Variants in TTLL7 observed in about 807,000 individuals in gnomAD.
TTLL7 encodes tubulin tyrosine ligase like 7.
In TTLL7, 53 loss-of-function variants were observed where a neutral mutation model predicts 120.2. The ratio of observed to expected loss-of-function variants is 0.44; its 90% CI spans 0.35 to 0.55. The LOEUF (loss-of-function observed/expected upper bound fraction) is 0.55, where lower values mean the gene tolerates loss of function less well. Among genes scored for constraint, TTLL7 ranks in the 20% least tolerant of loss-of-function variants. The pLI is 0.00. For synonymous variants in TTLL7, 353 were observed against 351.7 expected (o/e 1.00, Z -0.04); for missense variants, 803 against 1,054.7 (o/e 0.76, Z 3.31).
chr1:83,875,517 A>C (rs942493793), intron 20 of TTLL7, among the ~76,000 whole-genome samples: 2 of 151,918 alleles, frequency 1.3e-5, no homozygotes, highest in African/African-American at 4.8e-5. Flanking sequence ...TCTTATGCAC[A>C]TGTGCACACA....
chr1:83,946,196 C>T (rs1248165569), intron 6 of TTLL7: 1 of 152,342 alleles, frequency 6.6e-6, no homozygotes, highest in Non-Finnish European at 1.5e-5. Flanking sequence ...GGACTGCAGG[C>T]GCCCGCCACC....
chr1:83,938,796 CTA>C (rs1557687878), intron 7 of TTLL7, among the ~76,000 whole-genome samples: 7 of 152,180 alleles, frequency 4.6e-5, no homozygotes. Flanking sequence ...TCATAAAAAT[CTA>C]TCTTTAATTC....
At chr1:83,948,954 G>GA (rs995449676) in intron 4 of TTLL7, 5 of 286,004 alleles carry the variant, frequency 1.7e-5, no homozygotes, top group Non-Finnish European at 2.6e-5. Flanking sequence ...TTTCTAGGTT[G>GA]AATAGTGATA....
rs1431689112 is a variant in TTLL7 at position 83,892,477 on chromosome 1, T to TGA, written c.2209-1997_2209-1996insTC. Among the ~76,000 whole-genome samples the TGA allele has an allele frequency of 1.9e-4, 25 of 132,274 alleles. 1 individual carries two copies. Among genetic ancestry groups the TGA allele is most frequent in the Non-Finnish European group, 3.2e-4 (19 of 59,762 alleles). The allele number at this position is 132,274 out of a possible 152,430, so 86.8% of individuals were successfully genotyped here. On this transcript the variant is annotated intron_variant, in intron 18 of 20. Transcript: ENST00000260505. ...ACATATATGAACATATATATGAACA[T>TGA]ATGAATGAACATATATATGAACATA...
chr1:83,877,345 C>T (rs916036287), intron 20 of TTLL7, among the ~76,000 whole-genome samples: 6 of 151,778 alleles, frequency 4.0e-5, no homozygotes, highest in African/African-American at 1.2e-4. Context: ...TTTCCTTTGC[C>T]ATAATGTCTT....
chr1:83,926,555 T>A (rs528194933), intron 10 of TTLL7, among the ~76,000 whole-genome samples: 6 of 152,046 alleles, frequency 3.9e-5, no homozygotes, highest in Non-Finnish European at 8.8e-5. Context: ...GAGAAAATGA[T>A]GGGTAGGGAG....
At chr1:83,965,582 T>C (rs1650384647) in intron 1 of TTLL7, among the ~76,000 whole-genome samples, 1 of 152,156 alleles carries the variant, frequency 6.6e-6, no homozygotes, top group Non-Finnish European at 1.5e-5. Flanking sequence ...TATGCAACTT[T>C]AAATGCTCTC....
chr1:83,957,457 T>C (rs953931681), intron 1 of TTLL7, among the ~76,000 whole-genome samples: 2 of 152,172 alleles, frequency 1.3e-5, no homozygotes, highest in African/African-American at 4.8e-5. Context: ...TGTTTTGTTG[T>C]GACAAGAGGA....
chr1:83,875,797 T>C (rs912754486), intron 20 of TTLL7, among the ~76,000 whole-genome samples: 1 of 151,980 alleles, frequency 6.6e-6, no homozygotes, highest in African/African-American at 2.4e-5. Flanking sequence ...TGCTTTTTTC[T>C]TTGAAATTGG....
intron 1 of TTLL7, among the ~76,000 whole-genome samples, chr1:83,974,626 T>C (rs879122166): frequency 2.6e-5 from 4 of 152,058 alleles, no homozygotes; most frequent in African/African-American, 9.7e-5. Flanking sequence ...AATTATAATA[T>C]GGCAGACGCT....
intron 10 of TTLL7, among the ~76,000 whole-genome samples, chr1:83,922,844 TTAAGA>T (rs1658799047): frequency 6.6e-6 from 1 of 150,752 alleles, no homozygotes; most frequent in East Asian, 1.9e-4. Flanking sequence ...AAGCAGAAAG[TTAAGA>T]TGAGATGCTA....
intron 1 of TTLL7, among the ~76,000 whole-genome samples, chr1:83,959,210 T>C (rs528372440): frequency 2.8e-4 from 43 of 152,276 alleles, no homozygotes; most frequent in Middle Eastern, 3.4e-3. Context: ...ATCAGAAATA[T>C]AGAGGTGAGG....
intron 9 of TTLL7, 47 bp from the exon 10 acceptor site, chr1:83,929,277 A>G: frequency 1.4e-6 from 2 of 1,404,038 alleles, no homozygotes; most frequent in African/African-American, 1.4e-5. Flanking sequence ...TAAATATTCA[A>G]TACATATTTG....
chr1:83,967,150 A>G (rs1174794501), intron 1 of TTLL7, among the ~76,000 whole-genome samples: 1 of 152,140 alleles, frequency 6.6e-6, no homozygotes, highest in African/African-American at 2.4e-5. Context: ...ACTGTTGCAT[A>G]GTTGAATTTG....
At chr1:83,985,512 C>A (rs1652362828) in intron 1 of TTLL7, among the ~76,000 whole-genome samples, 1 of 152,108 alleles carries the variant, frequency 6.6e-6, no homozygotes, top group Non-Finnish European at 1.5e-5. Flanking sequence ...ACTTTACCAG[C>A]TATCTAGGCA....
At chr1:83,889,654 T>C (rs941798188) in intron 19 of TTLL7, among the ~76,000 whole-genome samples, 6 of 152,084 alleles carry the variant, frequency 3.9e-5, no homozygotes, top group Non-Finnish European at 7.4e-5. Flanking sequence ...AGTAATATGG[T>C]TAGTTATTAT....
chr1:83,961,439 T>A (rs1304426974), intron 1 of TTLL7, among the ~76,000 whole-genome samples: 1 of 152,124 alleles, frequency 6.6e-6, no homozygotes, highest in Non-Finnish European at 1.5e-5. Flanking sequence ...TACAAAACTC[T>A]GTGGCCTGTC....
chr1:83,920,822 A>G (rs1658585953), intron 12 of TTLL7, among the ~76,000 whole-genome samples: 2 of 152,084 alleles, frequency 1.3e-5, no homozygotes, highest in South Asian at 4.1e-4. Flanking sequence ...TTTTTAAAAG[A>G]CCACATTATA....
intron 13 of TTLL7, among the ~76,000 whole-genome samples, chr1:83,918,960 T>A (rs550507029): frequency 2.0e-5 from 3 of 152,198 alleles, no homozygotes; most frequent in Admixed American, 2.0e-4. Context: ...GCTACTATAT[T>A]GAGAGGTCTG....
Sources: allele counts gnomAD v4.1 joint callset (sites outside exome capture counted in the v4.1 genomes callset), GRCh38; gene constraint gnomAD v4.1.1; transcripts MANE v1.5; gene names NCBI Gene and HGNC (gene_info 2026-07-23, HGNC 2026-07-21).